The following LYPLAL1 variants were observed in gnomAD, a reference collection of about 807,000 sequenced individuals.
The protein encoded by LYPLAL1 is lysophospholipase-like protein 1.
LYPLAL1 carries 23 observed loss-of-function variants against 19.7 expected under a neutral mutation model. The observed-to-expected ratio is 1.17, with a 90% CI of 0.84 to 1.65. The LOEUF is 1.65. Ranked by LOEUF, LYPLAL1 falls within the 40% of genes most tolerant of loss-of-function variation. LYPLAL1 has a pLI of 0.00. For synonymous variants in LYPLAL1, 119 were observed against 96.3 expected (o/e 1.24, Z -1.38); for missense variants, 355 against 279.4 (o/e 1.27, Z -1.93).
the LYPLAL1 span, among the ~76,000 whole-genome samples, chr1:219,221,866 C>T: frequency 6.6e-6 from 1 of 152,284 alleles, no homozygotes; most frequent in Middle Eastern, 3.4e-3. Flanking sequence ...ACCACTTATA[C>T]TTTCAGTAGT....
the LYPLAL1 span, among the ~76,000 whole-genome samples, chr1:219,415,788 G>A: frequency 6.6e-6 from 1 of 152,180 alleles, no homozygotes; most frequent in East Asian, 1.9e-4. Flanking sequence ...GGAACTTGAA[G>A]TAGATTCTTT....
At chr1:219,295,086 A>G in the LYPLAL1 span, among the ~76,000 whole-genome samples, 1 of 152,160 alleles carries the variant, frequency 6.6e-6, no homozygotes, top group Non-Finnish European at 1.5e-5. Context: ...AGCTCTGGGC[A>G]GCACTCCACA....
chr1:219,326,989 C>T, the LYPLAL1 span, among the ~76,000 whole-genome samples: 1 of 152,186 alleles, frequency 6.6e-6, no homozygotes, highest in African/African-American at 2.4e-5. Context: ...ATCCCAACTA[C>T]TCAGGAGGCT....
the LYPLAL1 span, among the ~76,000 whole-genome samples, chr1:219,227,559 G>C: frequency 6.6e-6 from 1 of 152,108 alleles, no homozygotes; most frequent in Non-Finnish European, 1.5e-5. Flanking sequence ...TCCCATTTGG[G>C]GAAGGAGTTT....
the LYPLAL1 span, among the ~76,000 whole-genome samples, chr1:219,286,441 T>A: frequency 1.3e-5 from 2 of 152,176 alleles, no homozygotes; most frequent in African/African-American, 4.8e-5. Context: ...GCAATAGCTA[T>A]CCCTGGCTTG....
the LYPLAL1 span, among the ~76,000 whole-genome samples, chr1:219,318,403 C>A: frequency 2.6e-5 from 4 of 151,868 alleles, no homozygotes; most frequent in African/African-American, 9.7e-5. Flanking sequence ...CCCATCCCAC[C>A]AAACCATGAT....
chr1:219,243,970 T>A, the LYPLAL1 span, among the ~76,000 whole-genome samples: 1 of 151,016 alleles, frequency 6.6e-6, no homozygotes, highest in South Asian at 2.1e-4. Flanking sequence ...GAGGGCTTTT[T>A]TAAGTTACTA....
the LYPLAL1 span, among the ~76,000 whole-genome samples, chr1:219,265,355 A>G: frequency 2.4e-4 from 36 of 152,344 alleles, no homozygotes; most frequent in African/African-American, 7.9e-4. Context: ...TTGCTCCTAC[A>G]TTAAGGCATT....
chr1:219,190,055 C>T (rs1460929596), intron 2 of LYPLAL1, among the ~76,000 whole-genome samples: 1 of 151,452 alleles, frequency 6.6e-6, no homozygotes, highest in Admixed American at 6.6e-5. Context: ...TAAATAGAAA[C>T]TAACTTAATA....
chr1:219,425,028 G>A, the LYPLAL1 span, among the ~76,000 whole-genome samples: 1 of 152,096 alleles, frequency 6.6e-6, no homozygotes, highest in Non-Finnish European at 1.5e-5. Flanking sequence ...TCATAGACTG[G>A]GTAGTTTATC....
At chr1:219,287,512 T>A in the LYPLAL1 span, among the ~76,000 whole-genome samples, 2 of 152,176 alleles carry the variant, frequency 1.3e-5, no homozygotes, top group Non-Finnish European at 2.9e-5. Flanking sequence ...CCTACACACC[T>A]ATTAGACACT....
At chr1:219,294,233 T>G in the LYPLAL1 span, among the ~76,000 whole-genome samples, 1 of 152,226 alleles carries the variant, frequency 6.6e-6, no homozygotes, top group South Asian at 2.1e-4. Flanking sequence ...ATGCCTGCCT[T>G]TGTCAAAGCT....
At chr1:219,430,781 T>A in the LYPLAL1 span, among the ~76,000 whole-genome samples, 7 of 152,202 alleles carry the variant, frequency 4.6e-5, no homozygotes, top group Non-Finnish European at 7.3e-5. Flanking sequence ...GGTAGGGACA[T>A]CATAGTTCCA....
chr1:219,428,231 A>G, the LYPLAL1 span, among the ~76,000 whole-genome samples: 1 of 152,052 alleles, frequency 6.6e-6, no homozygotes, highest in Non-Finnish European at 1.5e-5. Flanking sequence ...CAGTTATCTC[A>G]TCAAAATGCC....
At chr1:219,377,432 A>G in the LYPLAL1 span, among the ~76,000 whole-genome samples, 5 of 152,328 alleles carry the variant, frequency 3.3e-5, no homozygotes, top group African/African-American at 9.6e-5. Context: ...TTGCACAACA[A>G]TGTGAATGTA....
At chr1:219,349,263 A>T in the LYPLAL1 span, among the ~76,000 whole-genome samples, 1 of 152,296 alleles carries the variant, frequency 6.6e-6, no homozygotes, top group African/African-American at 2.4e-5. Flanking sequence ...ATGGTTATAG[A>T]CATATAGTTC....
the LYPLAL1 span, among the ~76,000 whole-genome samples, chr1:219,378,411 A>G: frequency 0.38 from 57,552 of 152,014 alleles, 11,606 homozygotes; most frequent in Admixed American, 0.45. Context: ...CATCATGAGA[A>G]CACCATAAGG....
chr1:219,187,037 T>TA (rs1204565895), intron 2 of LYPLAL1, among the ~76,000 whole-genome samples: 2 of 146,070 alleles, frequency 1.4e-5, no homozygotes, highest in Non-Finnish European at 3.0e-5. Flanking sequence ...TCTTTGTTGT[T>TA]TTTTTTTTCC....
the LYPLAL1 span, among the ~76,000 whole-genome samples, chr1:219,289,078 G>GT: frequency 9.5e-3 from 1,091 of 114,862 alleles, 52 homozygotes; most frequent in African/African-American, 0.024. Context: ...CTCTTGTTTT[G>GT]TTTTTTTTGT....
Sources: gnomAD v4.1 joint callset for allele counts (sites outside exome capture counted in the v4.1 genomes callset) on GRCh38, gnomAD v4.1.1 for gene constraint, MANE v1.5 for transcripts, NCBI Gene and HGNC (gene_info 2026-07-23, HGNC 2026-07-21) for gene names.